Variants in ITSN1 observed in about 807,000 individuals in gnomAD.
ITSN1 encodes the protein intersectin 1.
In ITSN1, 58 loss-of-function variants were observed where a neutral mutation model predicts 239.8. That is an observed-to-expected ratio of 0.24 (90% CI 0.20 to 0.30). The LOEUF (loss-of-function observed/expected upper bound fraction) is 0.30, where lower values mean the gene tolerates loss of function less well. Among genes scored for constraint, ITSN1 ranks in the 10% least tolerant of loss-of-function variants. The probability of loss-of-function intolerance (pLI) is 1.00; values close to 1 mark genes in which losing one functional copy is unlikely to be tolerated. For missense variants in ITSN1, 1,558 were observed against 2,103.3 expected (o/e 0.74, Z 5.07); for synonymous variants, 780 against 770.8 (o/e 1.01, Z -0.20).
At chr21:33,721,531 CACACCTGTAA>C (rs2147095307) in intron 3 of ITSN1, among the ~76,000 whole-genome samples, 1 of 152,232 alleles carries the variant, frequency 6.6e-6, no homozygotes, top group South Asian at 2.1e-4. Context: ...ACCAATGGCT[CACACCTGTAA>C]TCCCAGCACT....
Position 33,782,120 on chromosome 21 carries a change from A to G in ITSN1, c.1811A>G (p.Asn604Ser), listed in dbSNP as rs1003851448. Residue 604 changes from asparagine (N) to serine (S), a missense_variant, in exon 16 of 40, where the codon AAT (asparagine) becomes AGT (serine). Asn to Ser is a conservative substitution (Grantham distance 46). Coordinates refer to ENST00000381318, the MANE Select transcript of ITSN1 (RefSeq NM_003024.3). ...AAACTACAGGAGATTGATATTTTCA[A>G]TAATCAGCTGAAGGTAACTCTTCTA... ...RSKLQEIDIF[N>S]NQLKELREIH... 8 of 1,613,670 alleles carry G rather than the reference A, an allele frequency of 5.0e-6. No homozygotes were observed. Among genetic ancestry groups the G allele is most frequent in the African/African-American group, 4.0e-5 (3 of 74,908 alleles).
At chr21:33,775,980 T>A (rs1452499704) in intron 14 of ITSN1, among the ~76,000 whole-genome samples, 1 of 152,198 alleles carries the variant, frequency 6.6e-6, no homozygotes, top group Non-Finnish European at 1.5e-5. Flanking sequence ...TGCCTGTGAT[T>A]CCTTTATGTT....
intron 1 of ITSN1, among the ~76,000 whole-genome samples, chr21:33,711,718 T>C (rs1028679047): frequency 7.9e-5 from 12 of 151,898 alleles, no homozygotes; most frequent in African/African-American, 2.9e-4. Context: ...GTAGTAAATA[T>C]ATTTACTTAA....
intron 1 of ITSN1, among the ~76,000 whole-genome samples, chr21:33,646,147 AGTC>A (rs1347971497): frequency 1.3e-5 from 2 of 152,232 alleles, no homozygotes; most frequent in Admixed American, 6.5e-5. Flanking sequence ...TTTTTTTAGT[AGTC>A]ACTGATTTTA....
At chr21:33,826,980 G>A (rs2074007812) in intron 26 of ITSN1, 117 bp downstream of exon 26, 1 of 826,970 alleles carries the variant, frequency 1.2e-6, no homozygotes, top group African/African-American at 1.7e-5. Context: ...TCCTAAGAGT[G>A]GTGAGAGTAA....
At chr21:33,807,845 T>G (rs1433231459) in intron 20 of ITSN1, among the ~76,000 whole-genome samples, 1 of 152,138 alleles carries the variant, frequency 6.6e-6, no homozygotes, top group African/African-American at 2.4e-5. Flanking sequence ...AGCAGGGAAC[T>G]CCTGAACAGA....
chr21:33,766,536 G>A (rs963902206), intron 10 of ITSN1, among the ~76,000 whole-genome samples: 4 of 152,184 alleles, frequency 2.6e-5, no homozygotes, highest in South Asian at 2.1e-4. Flanking sequence ...GCATGCACAC[G>A]CTGTCCAGGA....
chr21:33,656,698 T>C (rs543067310), intron 1 of ITSN1, among the ~76,000 whole-genome samples: 1 of 152,064 alleles, frequency 6.6e-6, no homozygotes, highest in Admixed American at 6.6e-5. Context: ...CCACTTGTTT[T>C]ATTTATTTAT....
At chr21:33,676,330 A>G (rs1601580000) in intron 1 of ITSN1, among the ~76,000 whole-genome samples, 1 of 152,064 alleles carries the variant, frequency 6.6e-6, no homozygotes, top group African/African-American at 2.4e-5. Context: ...AAATGAGAAC[A>G]TCCCCTGTCA....
intron 29 of ITSN1, chr21:33,838,563 T>C: frequency 1.0e-5 from 6 of 600,376 alleles, no homozygotes; most frequent in Non-Finnish European, 1.3e-5. Context: ...CCAAGCAGAC[T>C]AGATGTCAGC....
In ITSN1 at chr21:33,809,816, G is replaced by A. The variant is rs1056036051; in HGVS notation, c.2320-1159G>A. ...GAAAATAAAATTTTTTTTTTGAGAC[G>A]GAGTTTCACTCCTGTTGCCCAGGCT... On this transcript the variant is annotated intron_variant, in intron 20 of 39. Coordinates refer to ENST00000381318, the MANE Select transcript of ITSN1 (RefSeq NM_003024.3). Among the ~76,000 whole-genome samples the A allele has an allele frequency of 2.6e-5, 4 of 151,806 alleles. No homozygotes were observed. In the East Asian group the frequency reaches 7.7e-4, roughly 29 times the overall value.
At position 33,803,154 on chromosome 21, in the gene ITSN1, T is replaced by G. The variant is rs778430031; in HGVS notation, c.2319+710T>G. Among the ~76,000 whole-genome samples, 80 of 152,360 alleles carry G rather than the reference T, an allele frequency of 5.3e-4. 3 individuals are homozygous for G. Among genetic ancestry groups the G allele is most frequent in the South Asian group, 2.1e-3 (10 of 4,832 alleles). ...TGTTCCTCTGTCAAATGAGCAAGTT[T>G]AAAAGTCTGGTAATATCCAGCTTTG... On this transcript the variant is annotated intron_variant, in intron 20 of 39. Transcript: ENST00000381318.
At chr21:33,840,968 C>T (rs948096788) in intron 29 of ITSN1, among the ~76,000 whole-genome samples, 6 of 152,018 alleles carry the variant, frequency 3.9e-5, no homozygotes, top group East Asian at 3.8e-4. Context: ...CTCCTCTGGC[C>T]GGCTGCCTCT....
intron 4 of ITSN1, among the ~76,000 whole-genome samples, chr21:33,731,696 G>A (rs1362044534): frequency 6.6e-6 from 1 of 152,142 alleles, no homozygotes; most frequent in Non-Finnish European, 1.5e-5. Flanking sequence ...GCAGATAAAA[G>A]GAAGAAGAAA....
chr21:33,669,272 G>A (rs938890822), intron 1 of ITSN1, among the ~76,000 whole-genome samples: 7 of 151,888 alleles, frequency 4.6e-5, no homozygotes, highest in African/African-American at 1.7e-4. Flanking sequence ...TAGTAGAGAT[G>A]GGGTTTCACC....
intron 1 of ITSN1, among the ~76,000 whole-genome samples, chr21:33,672,994 G>T (rs1402593759): frequency 6.6e-6 from 1 of 152,130 alleles, no homozygotes; most frequent in Non-Finnish European, 1.5e-5. Flanking sequence ...CGGGCGGGAG[G>T]CACCACGCCT....
chr21:33,786,839 A>ATGAC (rs1436136879), intron 16 of ITSN1, among the ~76,000 whole-genome samples: 1 of 152,176 alleles, frequency 6.6e-6, no homozygotes, highest in Non-Finnish European at 1.5e-5. Flanking sequence ...GTCAGTGGCA[A>ATGAC]TGGAGGAGGC....
intron 5 of ITSN1, among the ~76,000 whole-genome samples, chr21:33,745,790 G>C (rs1198428945): frequency 6.6e-6 from 1 of 152,186 alleles, no homozygotes; most frequent in Non-Finnish European, 1.5e-5. Context: ...TCATGGCCAG[G>C]GCAAGTATAT....
At chr21:33,796,452 T>C (rs528349268) in intron 17 of ITSN1, among the ~76,000 whole-genome samples, 76 of 152,240 alleles carry the variant, frequency 5.0e-4, no homozygotes, top group Non-Finnish European at 9.3e-4. Flanking sequence ...ATGTAATTTT[T>C]TGACAATGGA....
Sources: gnomAD v4.1 joint callset for allele counts (sites outside exome capture counted in the v4.1 genomes callset) on GRCh38, gnomAD v4.1.1 for gene constraint, MANE v1.5 for transcripts, NCBI Gene and HGNC (gene_info 2026-07-23, HGNC 2026-07-21) for gene names.